The following SYN3 variants were observed in gnomAD, a reference collection of about 807,000 sequenced individuals.
SYN3 encodes synapsin III.
SYN3 carries 35 observed loss-of-function variants against 65.8 expected under a neutral mutation model. The ratio of observed to expected loss-of-function variants is 0.53; its 90% CI spans 0.41 to 0.70. The LOEUF (loss-of-function observed/expected upper bound fraction) is 0.70, where lower values mean the gene tolerates loss of function less well. Among genes scored for constraint, SYN3 ranks in the 30% least tolerant of loss-of-function variants. SYN3 has a pLI of 0.00. For missense variants in SYN3, 680 were observed against 749.0 expected, an observed-to-expected ratio of 0.91 and a Z score of 1.08; for synonymous variants, 270 against 292.9, an observed-to-expected ratio of 0.92 and a Z score of 0.80.
At chr22:32,802,085 C>G (rs1602183518) in intron 6 of SYN3, 4 of 1,578,526 alleles carry the variant, frequency 2.5e-6, no homozygotes, top group African/African-American at 1.3e-5. Flanking sequence ...CATGCTCGCC[C>G]AGCCACCCCC....
chr22:32,601,034 T>C (rs2059274462), intron 6 of SYN3, among the ~76,000 whole-genome samples: 2 of 152,196 alleles, frequency 1.3e-5, no homozygotes. Context: ...AGGTGATTGC[T>C]GAACAGAATT....
intron 7 of SYN3, among the ~76,000 whole-genome samples, chr22:32,562,631 A>T (rs1569040577): frequency 6.6e-6 from 1 of 152,072 alleles, no homozygotes; most frequent in Admixed American, 6.5e-5. Context: ...AAGCCGCTCC[A>T]CCCTACTCCG....
intron 6 of SYN3, among the ~76,000 whole-genome samples, chr22:32,666,261 T>C (rs130732): frequency 6.6e-6 from 1 of 152,084 alleles, no homozygotes; most frequent in Non-Finnish European, 1.5e-5. Context: ...TTGAACCACA[T>C]GTCGGAGTGT....
intron 6 of SYN3, among the ~76,000 whole-genome samples, chr22:32,684,442 C>T (rs2060563939): frequency 6.6e-6 from 1 of 152,220 alleles, no homozygotes; most frequent in African/African-American, 2.4e-5. Context: ...TTTCTCTTAA[C>T]TACTTGGAGT....
intron 6 of SYN3, among the ~76,000 whole-genome samples, chr22:32,653,685 G>A (rs2146963761): frequency 6.6e-6 from 1 of 152,270 alleles, no homozygotes; most frequent in African/African-American, 2.4e-5. Context: ...TGGCTCTGGG[G>A]AAGACAGTGT....
At position 33,021,845 on chromosome 22, in the gene SYN3, C is replaced by T. The variant is rs956323027; in HGVS notation, c.-162-15021G>A. ...TTCCCTTTCATAGAATGTAAGCTCC[C>T]CAGGGAGAGAGACCATCGTCTGACT... On this transcript the variant is annotated intron_variant, in intron 1 of 13. Transcript: ENST00000358763. Among the ~76,000 whole-genome samples, 7 of 151,692 alleles carry T rather than the reference C, an allele frequency of 4.6e-5. 1 individual carries two copies. The highest frequency in any genetic ancestry group is 3.9e-4 in the East Asian group (2 of 5,162).
chr22:32,773,681 T>TAC (rs2045833850), intron 6 of SYN3, among the ~76,000 whole-genome samples: 1 of 152,102 alleles, frequency 6.6e-6, no homozygotes, highest in Non-Finnish European at 1.5e-5. Context: ...CACTGGTCTA[T>TAC]TGTATGCTGG....
chr22:32,745,212 A>G (rs969853375), intron 6 of SYN3, among the ~76,000 whole-genome samples: 1 of 152,186 alleles, frequency 6.6e-6, no homozygotes, highest in Non-Finnish European at 1.5e-5. Flanking sequence ...CTTCCCATCC[A>G]GAGCAGATGG....
intron 7 of SYN3, chr22:32,583,287 G>A (rs135584): frequency 0.062 from 9,399 of 152,298 alleles, 351 homozygotes; most frequent in Non-Finnish European, 0.083. Flanking sequence ...ACTGCTCCCC[G>A]GTACAGCTAT....
At chr22:32,830,145 T>C (rs533811314) in intron 6 of SYN3, among the ~76,000 whole-genome samples, 4 of 152,236 alleles carry the variant, frequency 2.6e-5, no homozygotes, top group South Asian at 2.1e-4. Flanking sequence ...AGCTAGTACT[T>C]TGCATTTTCT....
chr22:32,820,353 CGT>C (rs35230068), intron 6 of SYN3, among the ~76,000 whole-genome samples: 3,581 of 141,636 alleles, frequency 0.025, 104 homozygotes, highest in African/African-American at 0.073. Context: ...CATTCCACTG[CGT>C]GTGTGTGTGT....
chr22:32,981,020 A>T (rs1003186731), intron 2 of SYN3, among the ~76,000 whole-genome samples: 1 of 150,872 alleles, frequency 6.6e-6, no homozygotes, highest in African/African-American at 2.4e-5. Context: ...ACATCCGGCT[A>T]TTTTTTTTAT....
intron 6 of SYN3, among the ~76,000 whole-genome samples, chr22:32,792,330 T>C (rs554754920): frequency 2.0e-3 from 307 of 152,292 alleles, no homozygotes; most frequent in Middle Eastern, 3.4e-3. Flanking sequence ...ATGGGAAATT[T>C]TGAGAGATCG....
intron 1 of SYN3, among the ~76,000 whole-genome samples, chr22:33,015,971 T>C (rs1278543361): frequency 6.6e-6 from 1 of 151,856 alleles, no homozygotes; most frequent in Non-Finnish European, 1.5e-5. Context: ...CCTCCCAAAG[T>C]AGCTGGGATT....
intron 2 of SYN3, among the ~76,000 whole-genome samples, chr22:33,006,126 T>C (rs2053188741): frequency 6.6e-6 from 1 of 152,182 alleles, no homozygotes; most frequent in African/African-American, 2.4e-5. Context: ...CGAGGGACTG[T>C]GGACCTGTAA....
intron 2 of SYN3, among the ~76,000 whole-genome samples, chr22:32,982,456 T>G (rs948857292): frequency 2.0e-5 from 3 of 152,196 alleles, no homozygotes; most frequent in African/African-American, 7.2e-5. Flanking sequence ...CTACACTCAC[T>G]GATTCTACAT....
intron 6 of SYN3, among the ~76,000 whole-genome samples, chr22:32,760,556 G>T (rs2045450389): frequency 6.6e-6 from 1 of 152,070 alleles, no homozygotes; most frequent in Non-Finnish European, 1.5e-5. Flanking sequence ...GTCAGGGGAG[G>T]TTGACAGAAG....
intron 9 of SYN3, among the ~76,000 whole-genome samples, chr22:32,534,843 A>G (rs1380335609): frequency 6.6e-6 from 1 of 152,196 alleles, no homozygotes; most frequent in Non-Finnish European, 1.5e-5. Flanking sequence ...ACTGAGGCCC[A>G]GAGAGGGAGG....
chr22:32,664,233 C>A (rs1271089716), intron 6 of SYN3, among the ~76,000 whole-genome samples: 3 of 152,202 alleles, frequency 2.0e-5, no homozygotes, highest in Non-Finnish European at 4.4e-5. Flanking sequence ...TGTCAGAAAT[C>A]CCACCTTATG....
Sources: allele counts gnomAD v4.1 joint callset (sites outside exome capture counted in the v4.1 genomes callset), GRCh38; gene constraint gnomAD v4.1.1; transcripts MANE v1.5; gene names NCBI Gene and HGNC (gene_info 2026-07-23, HGNC 2026-07-21).